The following PCDHA5 variants were observed in gnomAD, a reference collection of about 807,000 sequenced individuals.
The protein encoded by PCDHA5 is protocadherin alpha 5, also known as protocadherin alpha-5.
A neutral mutation model predicts 61.6 loss-of-function variants in PCDHA5; 43 were observed. The ratio of observed to expected loss-of-function variants is 0.70; its 90% CI spans 0.55 to 0.90. The LOEUF is 0.90. Among genes scored for constraint, PCDHA5 ranks in the 40% least tolerant of loss-of-function variants. PCDHA5 has a pLI of 0.00. For synonymous variants in PCDHA5, 627 were observed against 543.9 expected (o/e 1.15, Z -2.13); for missense variants, 1,298 against 1,222.7 (o/e 1.06, Z -0.92).
At chr5:140,830,279 G>A (rs2150184149) in intron 1 of PCDHA5, 1 of 1,613,822 alleles carries the variant, frequency 6.2e-7, no homozygotes, top group Non-Finnish European at 8.5e-7. Flanking sequence ...ACCCACCGAG[G>A]GCGCGTGCAC....
intron 1 of PCDHA5, chr5:140,828,776 C>A (rs200187130): frequency 1.9e-6 from 3 of 1,614,060 alleles, no homozygotes; most frequent in Non-Finnish European, 2.5e-6. Flanking sequence ...TGTTCAGCTG[C>A]TGGTCACAGT....
intron 1 of PCDHA5, chr5:140,843,640 C>G: frequency 6.3e-7 from 1 of 1,595,494 alleles, no homozygotes; most frequent in Non-Finnish European, 8.6e-7. Flanking sequence ...TGGCCTTCAG[C>G]CCCTGCCTTC....
chr5:141,008,718 T>C (rs2098388409), intron 3 of PCDHA5, among the ~76,000 whole-genome samples: 1 of 152,230 alleles, frequency 6.6e-6, no homozygotes, highest in Non-Finnish European at 1.5e-5. Context: ...TGCTTGAGTG[T>C]ATGTCCAACT....
chr5:140,858,790 A>G, intron 1 of PCDHA5: 1 of 388,116 alleles, frequency 2.6e-6, no homozygotes, highest in Non-Finnish European at 4.7e-6. Context: ...ATGTTATTTC[A>G]TTTCCAATCT....
At position 140,829,844 on chromosome 5, in the gene PCDHA5, C is replaced by A. The variant is rs2150175965; in HGVS notation, c.2352+5717C>A. The A allele has an allele frequency of 1.9e-6, 3 of 1,613,922 alleles. No individual in the cohort carries two copies. The Admixed American group carries it at 5.0e-5, about 27-fold the overall frequency. ...AGTGAGCGAGCTGGTGCCGCGGTCA[C>A]TGGGTGCAGGCCAAGTGGTGGCGAA... On this transcript the variant is annotated intron_variant, in intron 1 of 3. Transcript: ENST00000529859.
At chr5:140,934,013 A>G (rs2089566693) in intron 1 of PCDHA5, among the ~76,000 whole-genome samples, 1 of 151,836 alleles carries the variant, frequency 6.6e-6, no homozygotes. Context: ...TTTCTTGACT[A>G]GACTTGGAAG....
chr5:140,908,494 C>A (rs559456993), intron 1 of PCDHA5, among the ~76,000 whole-genome samples: 1 of 152,310 alleles, frequency 6.6e-6, no homozygotes, highest in East Asian at 1.9e-4. Flanking sequence ...GTTCAGGTTG[C>A]TTGGTGACTT....
chr5:140,951,333 G>A (rs922078825), intron 1 of PCDHA5, among the ~76,000 whole-genome samples: 1 of 151,964 alleles, frequency 6.6e-6, no homozygotes, highest in African/African-American at 2.4e-5. Flanking sequence ...TCATCATTCT[G>A]TTTGTGTTAG....
chr5:140,963,454 T>G (rs1299471186), intron 1 of PCDHA5, among the ~76,000 whole-genome samples: 2 of 152,242 alleles, frequency 1.3e-5, no homozygotes, highest in African/African-American at 4.8e-5. Context: ...TGCTAAAGTA[T>G]TTCTGTGTTT....
chr5:140,856,897 G>C, intron 1 of PCDHA5: 1 of 1,596,350 alleles, frequency 6.3e-7, no homozygotes, highest in Non-Finnish European at 8.6e-7. Flanking sequence ...TTAGCTCTTT[G>C]GTCCCACCCA....
At chr5:140,871,301 C>G in intron 1 of PCDHA5, 4 of 1,613,916 alleles carry the variant, frequency 2.5e-6, no homozygotes, top group Middle Eastern at 1.7e-4. Flanking sequence ...GCGTGCGCGC[C>G]GGGGAAGCCC....
At position 140,879,675 on chromosome 5, in the gene PCDHA5, G is replaced by T. The variant is rs141369145; in HGVS notation, c.2352+55548G>T. ...TATAACAAACGAACACAAACTGGGT[G>T]CTGTAAAACAGCAAAAGTTTATTAT... On this transcript the variant is annotated intron_variant, in intron 1 of 3. Transcript: ENST00000529859. 5.3e-5 allele frequency among the ~76,000 whole-genome samples: 8 copies of T among 152,360 alleles called. No homozygotes were observed. The East Asian group carries it at 1.3e-3, about 26-fold the overall frequency.
chr5:140,929,080 A>G, intron 1 of PCDHA5: 1 of 1,614,180 alleles, frequency 6.2e-7, no homozygotes, highest in Non-Finnish European at 8.5e-7. Context: ...GTATGGAAGT[A>G]AGATGGTTTC....
intron 3 of PCDHA5, among the ~76,000 whole-genome samples, chr5:141,002,176 G>C (rs1554258553): frequency 6.6e-6 from 1 of 152,242 alleles, no homozygotes; most frequent in Non-Finnish European, 1.5e-5. Context: ...GCAGGCTCCA[G>C]AGTGCTGTCT....
chr5:140,998,005 C>G (rs539275150), intron 3 of PCDHA5, among the ~76,000 whole-genome samples: 1 of 152,164 alleles, frequency 6.6e-6, no homozygotes, highest in South Asian at 2.1e-4. Flanking sequence ...TCTGAGCCTT[C>G]CATCCCCACC....
intron 3 of PCDHA5, among the ~76,000 whole-genome samples, chr5:140,992,085 TAGAGAA>T (rs1253503619): frequency 1.4e-5 from 2 of 146,836 alleles, no homozygotes; most frequent in Non-Finnish European, 3.0e-5. Flanking sequence ...TGAGCTAGAG[TAGAGAA>T]AGAGAATTAA....
intron 1 of PCDHA5, among the ~76,000 whole-genome samples, chr5:140,946,434 T>C (rs1554217579): frequency 2.0e-5 from 3 of 151,312 alleles, no homozygotes; most frequent in South Asian, 2.1e-4. Context: ...TACTCAAAAA[T>C]TGAGACTAAA....
intron 1 of PCDHA5, chr5:140,884,083 G>C (rs538322622): frequency 1.2e-6 from 2 of 1,613,596 alleles, no homozygotes; most frequent in South Asian, 1.1e-5. Context: ...GCTACAATGC[G>C]TGGCTTTCGT....
Position 140,844,029 on chromosome 5 carries a change from A to C in PCDHA5, c.2352+19902A>C, listed in dbSNP as rs1554140517. Among the ~76,000 whole-genome samples the C allele has an allele frequency of 2.7e-5, 4 of 149,808 alleles. 1 individual carries two copies. The East Asian group carries it at 7.7e-4, about 29-fold the overall frequency. On this transcript the variant is annotated intron_variant, in intron 1 of 3. Coordinates refer to ENST00000529859, the MANE Select transcript of PCDHA5 (RefSeq NM_018908.3). ...CTCTAAGGACGTTCAGGGCATTTTG[A>C]TCTTTGGTGAAAGTATTCCCCCAAA...
Sources: gnomAD v4.1 joint callset for allele counts (sites outside exome capture counted in the v4.1 genomes callset) on GRCh38, gnomAD v4.1.1 for gene constraint, MANE v1.5 for transcripts, NCBI Gene and HGNC (gene_info 2026-07-23, HGNC 2026-07-21) for gene names.